Variants in ARHGAP28 observed in about 807,000 individuals in gnomAD.
ARHGAP28 encodes the protein Rho GTPase activating protein 28.
ARHGAP28 carries 56 observed loss-of-function variants against 90.7 expected under a neutral mutation model. The observed-to-expected ratio is 0.62, with a 90% confidence interval of 0.50 to 0.77. ARHGAP28 has a LOEUF of 0.77. Among genes scored for constraint, ARHGAP28 ranks in the 30% least tolerant of loss-of-function variants. The probability of loss-of-function intolerance (pLI) is 0.00; values close to 1 mark genes in which losing one functional copy is unlikely to be tolerated. For synonymous variants in ARHGAP28, 308 were observed against 323.3 expected (o/e 0.95, Z 0.51); for missense variants, 869 against 900.9 (o/e 0.96, Z 0.45).
rs77959367 is a variant in ARHGAP28, at chr18:6,757,847, T to C, written c.122+27904T>C. 7.1e-3 allele frequency among the ~76,000 whole-genome samples: 1,075 copies of C among 152,154 alleles called. 11 individuals carry two copies. Among genetic ancestry groups the C allele is most frequent in the African/African-American group, 0.025 (1,038 of 41,500 alleles). On this transcript the variant is annotated intron_variant, in intron 1 of 17. Transcript: ENST00000383472. Reference sequence around the variant, plus strand: ...AAAGCATTGAACACAGAGTTAGTTGTTCAAGGCACACAAGCAGGAGTATGG... The same window carrying C: ...AAAGCATTGAACACAGAGTTAGTTGCTCAAGGCACACAAGCAGGAGTATGG...
At chr18:6,806,463 G>A (rs937837444) in intron 1 of ARHGAP28, among the ~76,000 whole-genome samples, 1 of 151,954 alleles carries the variant, frequency 6.6e-6, no homozygotes, top group Non-Finnish European at 1.5e-5. Flanking sequence ...CAGAAAAAAA[G>A]ATTGAAATAT....
intron 1 of ARHGAP28, among the ~76,000 whole-genome samples, chr18:6,805,002 A>G (rs980286176): frequency 2.6e-5 from 4 of 152,140 alleles, no homozygotes; most frequent in African/African-American, 9.7e-5. Flanking sequence ...TATTATTTAT[A>G]TTTTTAGAGA....
intron 14 of ARHGAP28, 73 bp downstream of exon 14, chr18:6,890,616 G>A (rs1003941817): frequency 1.1e-6 from 1 of 890,436 alleles, no homozygotes; most frequent in Non-Finnish European, 1.7e-6. Flanking sequence ...GCACAAAGTA[G>A]CTTGTCATTT....
At chr18:6,883,346 C>A (rs879710282) in intron 11 of ARHGAP28, among the ~76,000 whole-genome samples, 3 of 151,896 alleles carry the variant, frequency 2.0e-5, no homozygotes, top group Non-Finnish European at 4.4e-5. Flanking sequence ...TCAAGCGATT[C>A]TCCTGCCTCA....
chr18:6,757,389 G>A (rs1342967694), intron 1 of ARHGAP28, among the ~76,000 whole-genome samples: 1 of 152,134 alleles, frequency 6.6e-6, no homozygotes, highest in Non-Finnish European at 1.5e-5. Flanking sequence ...CTAGAAAGAT[G>A]GGTCAGAGGC....
intron 2 of ARHGAP28, among the ~76,000 whole-genome samples, chr18:6,833,476 A>G (rs1369152852): frequency 2.0e-5 from 3 of 151,230 alleles, no homozygotes; most frequent in Admixed American, 2.0e-4. Context: ...TACAGTCTGG[A>G]ACAGTTTCTT....
At chr18:6,879,297 A>G (rs1261399423) in intron 10 of ARHGAP28, among the ~76,000 whole-genome samples, 1 of 152,140 alleles carries the variant, frequency 6.6e-6, no homozygotes, top group African/African-American at 2.4e-5. Flanking sequence ...AGTTTGAATC[A>G]TTCCAAGGCT....
chr18:6,769,150 T>C (rs975875389), intron 1 of ARHGAP28, among the ~76,000 whole-genome samples: 2 of 151,948 alleles, frequency 1.3e-5, no homozygotes, highest in African/African-American at 2.4e-5. Context: ...GGGCCATTGA[T>C]TGTGCCCTGG....
At chr18:6,869,250 A>ATTTTTT (rs2057062449) in intron 6 of ARHGAP28, among the ~76,000 whole-genome samples, 5 of 103,812 alleles carry the variant, frequency 4.8e-5, no homozygotes, top group Admixed American at 1.1e-4. Flanking sequence ...TCCTTTTGCC[A>ATTTTTT]TTCTTTTTTT....
intron 14 of ARHGAP28, among the ~76,000 whole-genome samples, chr18:6,892,378 C>T (rs2057272821): frequency 6.6e-6 from 1 of 151,882 alleles, no homozygotes; most frequent in African/African-American, 2.4e-5. Flanking sequence ...TTTCGAACTC[C>T]TGACCTCAGG....
chr18:6,766,636 G>T (rs970852244), intron 1 of ARHGAP28, among the ~76,000 whole-genome samples: 5 of 152,002 alleles, frequency 3.3e-5, no homozygotes, highest in Non-Finnish European at 4.4e-5. Flanking sequence ...GACTTTTGGG[G>T]ACCCAAAAGT....
intron 5 of ARHGAP28, 151 bp downstream of exon 5, chr18:6,860,048 C>G: frequency 3.0e-6 from 2 of 664,596 alleles, no homozygotes. Context: ...GGTAGAACTA[C>G]TAACTTTGTA....
At chr18:6,812,626 T>C (rs1352991176) in intron 1 of ARHGAP28, among the ~76,000 whole-genome samples, 1 of 129,598 alleles carries the variant, frequency 7.7e-6, no homozygotes, top group Non-Finnish European at 1.5e-5. Context: ...CAGAGACATA[T>C]AGCTTTTCGT....
chr18:6,747,909 G>T (rs2056037035), intron 1 of ARHGAP28, among the ~76,000 whole-genome samples: 1 of 152,204 alleles, frequency 6.6e-6, no homozygotes, highest in African/African-American at 2.4e-5. Context: ...CCAGTGTTGT[G>T]CACCAAAGGC....
intron 14 of ARHGAP28, 49 bp downstream of exon 14, chr18:6,890,592 C>A: frequency 8.3e-7 from 1 of 1,210,552 alleles, no homozygotes; most frequent in Non-Finnish European, 1.2e-6. Flanking sequence ...TAGATTTGTA[C>A]TCCTCAAAGG....
At chr18:6,894,138 A>T (rs373655781) in intron 14 of ARHGAP28, among the ~76,000 whole-genome samples, 1 of 152,128 alleles carries the variant, frequency 6.6e-6, no homozygotes, top group Non-Finnish European at 1.5e-5. Context: ...AAGTGCTAGG[A>T]TTACAGGCAT....
At chr18:6,840,765 G>A in intron 3 of ARHGAP28, among the ~76,000 whole-genome samples, 1 of 152,138 alleles carries the variant, frequency 6.6e-6, no homozygotes, top group East Asian at 1.9e-4. Flanking sequence ...GAAAGACCAT[G>A]TATTCTAGGG....
intron 16 of ARHGAP28, among the ~76,000 whole-genome samples, chr18:6,907,929 A>G (rs1303372857): frequency 2.0e-5 from 3 of 152,186 alleles, no homozygotes. Context: ...GCACACTTGC[A>G]TCTTCCTCAC....
chr18:6,747,424 G>A (rs2056032562), intron 1 of ARHGAP28, among the ~76,000 whole-genome samples: 1 of 152,104 alleles, frequency 6.6e-6, no homozygotes, highest in Non-Finnish European at 1.5e-5. Flanking sequence ...AGATATGTTT[G>A]GCAGGGTTTA....
Sources: gnomAD v4.1 joint callset for allele counts (sites outside exome capture counted in the v4.1 genomes callset) on GRCh38, gnomAD v4.1.1 for gene constraint, MANE v1.5 for transcripts, NCBI Gene and HGNC (gene_info 2026-07-23, HGNC 2026-07-21) for gene names.